FRMD4B: variants seen among roughly 807,000 people sequenced by gnomAD.
The protein encoded by FRMD4B is FERM domain-containing protein 4B.
Under a neutral mutation model 141.5 loss-of-function variants are expected in FRMD4B, and 74 were observed. The observed-to-expected ratio is 0.52, with a 90% CI of 0.43 to 0.63. FRMD4B has a LOEUF of 0.63. FRMD4B is among the 30% of genes least tolerant of loss of function. FRMD4B has a pLI of 0.00. For synonymous variants in FRMD4B, 506 were observed against 467.9 expected, an observed-to-expected ratio of 1.08 and a Z score of -1.05; for missense variants, 1,366 against 1,253.4, an observed-to-expected ratio of 1.09 and a Z score of -1.36.
intron 11 of FRMD4B, among the ~76,000 whole-genome samples, chr3:69,203,046 T>C (rs2092984917): frequency 6.6e-6 from 1 of 151,456 alleles, no homozygotes; most frequent in Non-Finnish European, 1.5e-5. Context: ...GTATAAAATA[T>C]TGTCATCACA....
chr3:69,465,164 C>CA (rs1403495152), intron 1 of FRMD4B, among the ~76,000 whole-genome samples: 3 of 151,732 alleles, frequency 2.0e-5, no homozygotes, highest in Non-Finnish European at 4.4e-5. Flanking sequence ...ACTAAAAATG[C>CA]AAAAAATTAG....
chr3:69,316,013 C>T (rs7649640), intron 1 of FRMD4B, among the ~76,000 whole-genome samples: 150,853 of 152,342 alleles, frequency 0.99, 74,711 homozygotes, highest in East Asian at 1. Flanking sequence ...ATTAGTATTA[C>T]TATCCCCATT....
intron 1 of FRMD4B, among the ~76,000 whole-genome samples, chr3:69,493,706 T>A (rs9815114): frequency 0.22 from 33,121 of 151,930 alleles, 3,790 homozygotes; most frequent in African/African-American, 0.27. Context: ...TCTCTCCATC[T>A]CTCTCTCGAT....
chr3:69,382,937 C>G (rs543464221), intron 1 of FRMD4B, among the ~76,000 whole-genome samples: 3 of 152,156 alleles, frequency 2.0e-5, no homozygotes, highest in Non-Finnish European at 4.4e-5. Context: ...CTAGACTTTT[C>G]AGCTGTGACA....
intron 2 of FRMD4B, among the ~76,000 whole-genome samples, chr3:69,403,296 C>T (rs1704598540): frequency 6.6e-6 from 1 of 152,200 alleles, no homozygotes; most frequent in African/African-American, 2.4e-5. Context: ...TTCACACCCA[C>T]CAAGCCATGT....
At chr3:69,353,293 C>T (rs1192014581) in intron 1 of FRMD4B, among the ~76,000 whole-genome samples, 2 of 152,154 alleles carry the variant, frequency 1.3e-5, no homozygotes, top group Non-Finnish European at 2.9e-5. Context: ...GGACCATCTT[C>T]ACTTGGTATC....
At chr3:69,473,740 G>C (rs78202567) in intron 1 of FRMD4B, among the ~76,000 whole-genome samples, 1 of 152,060 alleles carries the variant, frequency 6.6e-6, no homozygotes, top group Non-Finnish European at 1.5e-5. Flanking sequence ...AAACTCTGTC[G>C]TTGCTGAATA....
intron 3 of FRMD4B, among the ~76,000 whole-genome samples, chr3:69,309,134 T>C (rs1701488933): frequency 6.6e-6 from 1 of 152,112 alleles, no homozygotes; most frequent in African/African-American, 2.4e-5. Flanking sequence ...TTTTATTTTC[T>C]ATTTTTAGAG....
chr3:69,445,295 C>T (rs556105555), intron 1 of FRMD4B, among the ~76,000 whole-genome samples: 55 of 152,284 alleles, frequency 3.6e-4, no homozygotes, highest in African/African-American at 5.1e-4. Flanking sequence ...CCAGAGTTCA[C>T]GTCACAGGAT....
chr3:69,389,178 T>C (rs1054779229), upstream of FRMD4B, among the ~76,000 whole-genome samples: 8 of 151,884 alleles, frequency 5.3e-5, no homozygotes, highest in Admixed American at 5.3e-4. Flanking sequence ...GAATTACAAG[T>C]GCACAACACC....
At chr3:69,215,344 G>A (rs372368147) in intron 11 of FRMD4B, among the ~76,000 whole-genome samples, 13 of 104,824 alleles carry the variant, frequency 1.2e-4, no homozygotes, top group East Asian at 5.5e-4. Flanking sequence ...CCAGGCTGGA[G>A]TGCGGTGGCA....
chr3:69,317,801 C>T (rs904279975), intron 1 of FRMD4B, among the ~76,000 whole-genome samples: 4 of 148,744 alleles, frequency 2.7e-5, no homozygotes, highest in African/African-American at 9.9e-5. Flanking sequence ...AATCATGCGG[C>T]CTAAGAAGAC....
intron 1 of FRMD4B, among the ~76,000 whole-genome samples, chr3:69,439,264 G>A (rs1705307866): frequency 6.6e-6 from 1 of 152,072 alleles, no homozygotes; most frequent in Non-Finnish European, 1.5e-5. Context: ...TGGCTATTTG[G>A]GTAGTGTCCG....
chr3:69,353,336 A>T (rs1351786978), intron 1 of FRMD4B, among the ~76,000 whole-genome samples: 2 of 152,214 alleles, frequency 1.3e-5, no homozygotes, highest in Non-Finnish European at 2.9e-5. Flanking sequence ...TTTTGGAAAA[A>T]GTAATTCCTT....
At position 69,385,815 on chromosome 3, in the gene FRMD4B, C is replaced by A; in HGVS notation, c.162+13G>T. ...CCTGCTGGGGCCCTCGGGTGCCGCG[C>A]GCTCCAGCTCACCTGGTACACGTCC... On this transcript the variant is annotated intron_variant, in intron 1 of 22. Transcript: ENST00000398540. The A allele has an allele frequency of 6.5e-7, 1 of 1,535,934 alleles. No homozygotes were observed. The highest frequency in any genetic ancestry group is 2.4e-5 in the East Asian group (1 of 41,060).
intron 1 of FRMD4B, among the ~76,000 whole-genome samples, chr3:69,328,672 C>T (rs1036559019): frequency 3.3e-5 from 5 of 152,172 alleles, no homozygotes; most frequent in African/African-American, 1.2e-4. Flanking sequence ...GAAAAAAGAC[C>T]TCTGGTAGTC....
At chr3:69,426,117 C>T (rs760499338) in intron 2 of FRMD4B, among the ~76,000 whole-genome samples, 1 of 152,176 alleles carries the variant, frequency 6.6e-6, no homozygotes, top group Non-Finnish European at 1.5e-5. Context: ...GGGCATATGC[C>T]ATGTTATCAA....
intron 7 of FRMD4B, among the ~76,000 whole-genome samples, chr3:69,247,697 G>A (rs185581119): frequency 8.2e-4 from 125 of 152,178 alleles, no homozygotes; most frequent in Admixed American, 2.6e-3. Context: ...TGCCCAGGCC[G>A]GACTGCAGTG....
chr3:69,491,409 T>C (rs765020844), intron 1 of FRMD4B, among the ~76,000 whole-genome samples: 7 of 151,952 alleles, frequency 4.6e-5, no homozygotes, highest in Non-Finnish European at 1.0e-4. Flanking sequence ...GAGAAGAAAA[T>C]GTTTTAAAAT....
Sources: gnomAD v4.1 joint callset for allele counts (sites outside exome capture counted in the v4.1 genomes callset) on GRCh38, gnomAD v4.1.1 for gene constraint, MANE v1.5 for transcripts, NCBI Gene and HGNC (gene_info 2026-07-23, HGNC 2026-07-21) for gene names.